Variants in CDH22 observed in about 807,000 individuals in gnomAD.
The protein encoded by CDH22 is cadherin 22.
A neutral mutation model predicts 58.4 loss-of-function variants in CDH22; 30 were observed. The ratio of observed to expected loss-of-function variants is 0.51; its 90% confidence interval spans 0.38 to 0.70. CDH22 has a LOEUF of 0.70. Among genes scored for constraint, CDH22 ranks in the 30% least tolerant of loss-of-function variants. CDH22 has a pLI of 0.00. For synonymous variants in CDH22, 513 were observed against 558.2 expected (o/e 0.92, Z 1.14); for missense variants, 1,014 against 1,233.9 (o/e 0.82, Z 2.67).
At chr20:46,306,945 G>A (rs532859971) in intron 1 of CDH22, among the ~76,000 whole-genome samples, 24 of 152,304 alleles carry the variant, frequency 1.6e-4, no homozygotes, top group African/African-American at 5.3e-4. Context: ...CTGATATAGG[G>A]TATTGGCGCT....
chr20:46,175,246 T>C (rs551232474), intron 11 of CDH22, among the ~76,000 whole-genome samples, 169 bp from the exon 12 acceptor site: 1 of 152,288 alleles, frequency 6.6e-6, no homozygotes, highest in East Asian at 1.9e-4. Context: ...CAATCAGAAC[T>C]GAGCTGAGTG....
At position 46,289,021 on chromosome 20, in the gene CDH22, A is replaced by G. The variant is rs1600727933; in HGVS notation, c.-400+19234T>C. On this transcript the variant is annotated intron_variant, in intron 1 of 11. Transcript: ENST00000537909. The stretch of plus-strand genomic sequence containing the variant: ...GGAGTAAAATGGCTCATAAGATCCA[A>G]CAAGAATTGGCTTCTTGTTACTTCT... 3.3e-5 allele frequency among the ~76,000 whole-genome samples: 5 copies of G among 152,312 alleles called. No individual in the cohort carries two copies. The South Asian group carries it at 1.0e-3, about 32-fold the overall frequency.
chr20:46,250,893 G>A (rs1416720988), intron 2 of CDH22, 147 bp downstream of exon 2: 2 of 557,742 alleles, frequency 3.6e-6, no homozygotes, highest in Non-Finnish European at 6.4e-6. Flanking sequence ...ATGGGGCTCT[G>A]GGCCCCCTTA....
Position 46,216,911 on chromosome 20 carries a change from C to T in CDH22, c.753G>A (p.Ala251=), listed in dbSNP as rs374452122. ...AGCCCGAGAGGCCACCCAGCTGACC[C>T]GCCATGTCTGTGGCCTGGATCACCA... ...YEVVIQATDM[A]GQLGGLSGST... is the part of the protein sequence containing the mutation. Residue 251 remains alanine, a synonymous_variant, in exon 5 of 12, where the codon GCG becomes GCA. Transcript: ENST00000537909. The surrounding 1 kb of genome is among the most constrained non-coding windows in gnomAD (Gnocchi z 5.3). 34 of 1,611,376 alleles carry T rather than the reference C, an allele frequency of 2.1e-5. No homozygotes were observed. Among genetic ancestry groups the T allele is most frequent in the Middle Eastern group, 1.7e-4 (1 of 6,056 alleles).
intron 8 of CDH22, among the ~76,000 whole-genome samples, chr20:46,197,295 G>GATATATATATATATAT (rs34730995): frequency 1.3e-3 from 191 of 141,970 alleles, no homozygotes; most frequent in Non-Finnish European, 2.3e-3. Context: ...TCTAGGCCAG[G>GATATATATATATATAT]ATATATATAT....
intron 4 of CDH22, among the ~76,000 whole-genome samples, chr20:46,217,547 A>T (rs2086094548): frequency 6.6e-6 from 1 of 152,160 alleles, no homozygotes; most frequent in Non-Finnish European, 1.5e-5. Flanking sequence ...ATCCAGTCAC[A>T]TGCTGCCACT....
At chr20:46,255,273 A>G (rs1219386425) in intron 1 of CDH22, among the ~76,000 whole-genome samples, 1 of 152,028 alleles carries the variant, frequency 6.6e-6, no homozygotes, top group Admixed American at 6.6e-5. Flanking sequence ...CGGCCTCCCA[A>G]AGTGCTGGGA....
In CDH22 at chr20:46,300,995, T is replaced by C. The variant is rs1038070865; in HGVS notation, c.-400+7260A>G. Among the ~76,000 whole-genome samples, 1 of 152,026 alleles carries C rather than the reference T, an allele frequency of 6.6e-6. No homozygotes were observed. Among genetic ancestry groups the C allele is most frequent in the Non-Finnish European group, 1.5e-5 (1 of 68,010 alleles). ...TGATGTAGATGTATATTTATCGAAA[T>C]GGCAAGACATTCACAATATATTATA... On this transcript the variant is annotated intron_variant, in intron 1 of 11. Transcript: ENST00000537909. This position sits in a 1 kb window ranked among gnomAD's most constrained non-coding sequence, Gnocchi z 4.4.
intron 1 of CDH22, among the ~76,000 whole-genome samples, chr20:46,280,462 G>A (rs917641659): frequency 7.9e-5 from 12 of 152,310 alleles, no homozygotes; most frequent in African/African-American, 2.2e-4. Context: ...CCTGCTGGCC[G>A]TTGTTGTCAT....
chr20:46,304,437 A>G (rs2086665671), intron 1 of CDH22, among the ~76,000 whole-genome samples: 1 of 152,244 alleles, frequency 6.6e-6, no homozygotes, highest in Non-Finnish European at 1.5e-5. Flanking sequence ...GGAAGAAACT[A>G]AGGCTCAGAG....
rs765549050 is a variant in CDH22 at position 46,227,635 on chromosome 20, C to CG, written c.551-9dup. The CG allele has an allele frequency of 2.5e-6, 4 of 1,608,296 alleles. No homozygotes were observed. The highest frequency in any genetic ancestry group is 1.7e-6 in the Non-Finnish European group (2 of 1,177,890). The stretch of plus-strand genomic sequence containing the variant: ...CCTGCATCACCGACGTGCCTGGGCC[C>CG]GGGGGACCAAGCGAGACAGGGGTCA... On this transcript the variant is annotated splice_polypyrimidine_tract_variant and intron_variant, in intron 3 of 11. Coordinates refer to ENST00000537909, the MANE Select transcript of CDH22 (RefSeq NM_021248.3).
intron 8 of CDH22, among the ~76,000 whole-genome samples, chr20:46,195,160 G>C (rs2085889984): frequency 6.6e-6 from 1 of 152,212 alleles, no homozygotes; most frequent in Non-Finnish European, 1.5e-5. Context: ...ACCCAACTGG[G>C]AACCATGCGA....
At chr20:46,248,483 AG>A (rs1377538737) in intron 2 of CDH22, among the ~76,000 whole-genome samples, 6 of 152,166 alleles carry the variant, frequency 3.9e-5, no homozygotes, top group African/African-American at 1.4e-4. Flanking sequence ...CTGGAAAATC[AG>A]GCTGGGGTTG....
At chr20:46,177,161 CG>C (rs1013024546) in intron 11 of CDH22, among the ~76,000 whole-genome samples, 1 of 151,888 alleles carries the variant, frequency 6.6e-6, no homozygotes, top group Admixed American at 6.6e-5. Context: ...CCAGTGAGGG[CG>C]GGGGGAGGCA....
chr20:46,299,743 T>C (rs2086642847), intron 1 of CDH22, among the ~76,000 whole-genome samples: 1 of 152,222 alleles, frequency 6.6e-6, no homozygotes, highest in Non-Finnish European at 1.5e-5. Flanking sequence ...CATTTCGCCT[T>C]CTCAATAATC....
chr20:46,268,089 TA>T (rs2086470154), intron 1 of CDH22, among the ~76,000 whole-genome samples: 2 of 152,242 alleles, frequency 1.3e-5, no homozygotes, highest in African/African-American at 2.4e-5. Flanking sequence ...CTCACCCGCC[TA>T]AAGGCATGAC....
At chr20:46,180,632 G>GCATTATTCC (rs1366111689) in intron 10 of CDH22, among the ~76,000 whole-genome samples, 1 of 152,120 alleles carries the variant, frequency 6.6e-6, no homozygotes, top group Non-Finnish European at 1.5e-5. Flanking sequence ...AAGAGTTGTG[G>GCATTATTCC]CATTATTCCC....
At chr20:46,288,240 A>G (rs546420790) in intron 1 of CDH22, among the ~76,000 whole-genome samples, 1 of 152,164 alleles carries the variant, frequency 6.6e-6, no homozygotes, top group South Asian at 2.1e-4. Context: ...ATCCCCTCCA[A>G]TATATGAATC....
chr20:46,180,254 C>T (rs539461294), intron 10 of CDH22, among the ~76,000 whole-genome samples: 46 of 152,320 alleles, frequency 3.0e-4, no homozygotes, highest in Middle Eastern at 3.4e-3. Context: ...ACCCTGTCCC[C>T]GGAGCTTACA....
Sources: gnomAD v4.1 joint callset for allele counts (sites outside exome capture counted in the v4.1 genomes callset) on GRCh38, gnomAD v4.1.1 for gene constraint, Gnocchi (gnomAD v3.1) non-coding constraint, MANE v1.5 for transcripts, NCBI Gene and HGNC (gene_info 2026-07-23, HGNC 2026-07-21) for gene names.